The following OSBPL8 variants were observed in gnomAD, a reference collection of about 807,000 sequenced individuals.
The protein encoded by OSBPL8 is oxysterol-binding protein-related protein 8.
A neutral mutation model predicts 125.5 loss-of-function variants in OSBPL8; 59 were observed. The observed-to-expected ratio is 0.47, with a 90% CI of 0.38 to 0.58. OSBPL8 has a LOEUF of 0.58. Among genes scored for constraint, OSBPL8 ranks in the 20% least tolerant of loss-of-function variants. OSBPL8 has a pLI of 0.00. For synonymous variants in OSBPL8, 330 were observed against 338.9 expected (o/e 0.97, Z 0.29); for missense variants, 758 against 1,047.8 (o/e 0.72, Z 3.82).
At chr12:76,427,841 C>T (rs1454698815) in intron 4 of OSBPL8, among the ~76,000 whole-genome samples, 1 of 151,934 alleles carries the variant, frequency 6.6e-6, no homozygotes, top group Non-Finnish European at 1.5e-5. Flanking sequence ...TTTCAGGATA[C>T]AAGTCACCAC....
At chr12:76,356,162 T>TGGGGGGGGGGGGGGGGGTTTTGGGGGGGG in intron 23 of OSBPL8, 141 bp from the exon 24 acceptor site, 1 of 131,274 alleles carries the variant, frequency 7.6e-6, no homozygotes, top group Non-Finnish European at 1.6e-5. Context: ...TATGTAGGGG[T>TGGGGGGGGGGGGGGGGGTTTTGGGGGGGG]GGGGGGGGGC....
At chr12:76,498,354 A>T (rs1009646517) in intron 1 of OSBPL8, among the ~76,000 whole-genome samples, 1 of 152,352 alleles carries the variant, frequency 6.6e-6, no homozygotes, top group Admixed American at 6.5e-5. Context: ...GTATTAATTT[A>T]GGGTTTGTCT....
chr12:76,515,554 C>T (rs772894583), intron 1 of OSBPL8, among the ~76,000 whole-genome samples: 14 of 152,184 alleles, frequency 9.2e-5, no homozygotes, highest in Non-Finnish European at 1.8e-4. Context: ...CGTTCCCTCT[C>T]AACACTCTGA....
At chr12:76,529,411 C>T (rs192900614) in intron 1 of OSBPL8, among the ~76,000 whole-genome samples, 218 of 151,842 alleles carry the variant, frequency 1.4e-3, no homozygotes, top group African/African-American at 5.0e-3. Flanking sequence ...TGTCAGATTA[C>T]GAAACCCAGC....
At chr12:76,551,108 C>A (rs1407878160) in intron 1 of OSBPL8, among the ~76,000 whole-genome samples, 7 of 152,100 alleles carry the variant, frequency 4.6e-5, no homozygotes, top group Non-Finnish European at 1.5e-5. Flanking sequence ...AAAACACACA[C>A]ACACACACTA....
chr12:76,496,592 G>T (rs571318788), intron 1 of OSBPL8, among the ~76,000 whole-genome samples: 32 of 151,916 alleles, frequency 2.1e-4, no homozygotes, highest in African/African-American at 5.8e-4. Flanking sequence ...CCAGGCTGGA[G>T]TGCAATGGCA....
chr12:76,358,364 T>C (rs949995820), intron 22 of OSBPL8, among the ~76,000 whole-genome samples: 1 of 151,928 alleles, frequency 6.6e-6, no homozygotes, highest in African/African-American at 2.4e-5. Flanking sequence ...ATATTTTTAG[T>C]AGAGACGGGG....
chr12:76,439,545 AT>A, intron 4 of OSBPL8, among the ~76,000 whole-genome samples: 1 of 152,116 alleles, frequency 6.6e-6, no homozygotes, highest in Non-Finnish European at 1.5e-5. Context: ...GAGTGTTTTT[AT>A]AATCAATGAA....
chr12:76,522,635 T>G (rs1485300581), intron 1 of OSBPL8, among the ~76,000 whole-genome samples: 4 of 152,208 alleles, frequency 2.6e-5, no homozygotes, highest in Non-Finnish European at 5.9e-5. Flanking sequence ...TGTCATGTTC[T>G]GATGTGGCAC....
intron 1 of OSBPL8, among the ~76,000 whole-genome samples, chr12:76,496,939 A>G (rs1879339406): frequency 6.6e-6 from 1 of 152,074 alleles, no homozygotes; most frequent in Non-Finnish European, 1.5e-5. Flanking sequence ...TCAGCCTCCC[A>G]AAGTGCTGGG....
chr12:76,525,595 G>A (rs1306743759), intron 1 of OSBPL8, among the ~76,000 whole-genome samples: 1 of 151,978 alleles, frequency 6.6e-6, no homozygotes, highest in Non-Finnish European at 1.5e-5. Flanking sequence ...AAATTGGGGG[G>A]AAAAAACTTA....
At chr12:76,481,679 T>C (rs1877509497) in intron 2 of OSBPL8, among the ~76,000 whole-genome samples, 1 of 152,156 alleles carries the variant, frequency 6.6e-6, no homozygotes, top group Non-Finnish European at 1.5e-5. Flanking sequence ...GTTAGAAAGA[T>C]GCTATCACTA....
At position 76,525,783 on chromosome 12, in the gene OSBPL8, C is replaced by T. The variant is rs189654767; in HGVS notation, c.-68+33614G>A. 5.9e-5 allele frequency among the ~76,000 whole-genome samples: 9 copies of T among 151,846 alleles called. No homozygotes were observed. The East Asian group carries it at 1.7e-3, about 29-fold the overall frequency. On this transcript the variant is annotated intron_variant, in intron 1 of 23. Transcript: ENST00000261183. Reference sequence around the variant, plus strand: ...AATGTAATAACATTTTAAACATTTACAAAAATAAAAAAACAAAGGGAAAAC... The same window carrying T: ...AATGTAATAACATTTTAAACATTTATAAAAATAAAAAAACAAAGGGAAAAC...
In OSBPL8 at chr12:76,369,951, T is replaced by A. The variant is rs4319553; in HGVS notation, c.2055-129A>T. The stretch of plus-strand genomic sequence containing the variant: ...GAATTTCTGGCTTTGACAACACTTA[T>A]GCTCATAGGCTTAGAAATGAGTCAA... On this transcript the variant is annotated intron_variant, in intron 19 of 23. Coordinates refer to ENST00000261183, the MANE Select transcript of OSBPL8 (RefSeq NM_020841.5). 9 of 846,672 alleles carry A rather than the reference T, an allele frequency of 1.1e-5. No individual in the cohort carries two copies. The South Asian group carries it at 1.8e-4, about 17-fold the overall frequency. 52.4% of individuals were successfully genotyped at this position (846,672 alleles called of 1,614,324 possible).
At chr12:76,422,899 T>A (rs190738860) in intron 4 of OSBPL8, 23 of 213,614 alleles carry the variant, frequency 1.1e-4, no homozygotes, top group Admixed American at 1.0e-3. Flanking sequence ...CTGATAAACA[T>A]GAAAGGCTAT....
chr12:76,497,482 AG>A (rs1879402551), intron 1 of OSBPL8, among the ~76,000 whole-genome samples: 3 of 152,154 alleles, frequency 2.0e-5, no homozygotes, highest in African/African-American at 4.8e-5. Flanking sequence ...TTGCCCTCAC[AG>A]TTTTTCTCCT....
At chr12:76,445,062 C>T (rs1872591875) in intron 4 of OSBPL8, among the ~76,000 whole-genome samples, 1 of 152,030 alleles carries the variant, frequency 6.6e-6, no homozygotes, top group Admixed American at 6.6e-5. Flanking sequence ...AACCCTGAAC[C>T]CATCATAATC....
chr12:76,497,655 G>C (rs983783221), intron 1 of OSBPL8, among the ~76,000 whole-genome samples: 11 of 152,096 alleles, frequency 7.2e-5, no homozygotes, highest in Admixed American at 7.2e-4. Context: ...TTATACTTCT[G>C]TCCAAACAAC....
chr12:76,424,251 T>G (rs1261401000), intron 4 of OSBPL8, among the ~76,000 whole-genome samples: 1 of 152,166 alleles, frequency 6.6e-6, no homozygotes, highest in Non-Finnish European at 1.5e-5. Flanking sequence ...TCCACCCACC[T>G]TGGTATCCCA....
Sources: gnomAD v4.1 joint callset for allele counts (sites outside exome capture counted in the v4.1 genomes callset) on GRCh38, gnomAD v4.1.1 for gene constraint, MANE v1.5 for transcripts, NCBI Gene and HGNC (gene_info 2026-07-23, HGNC 2026-07-21) for gene names.